Variants in LGALS8 observed in about 807,000 individuals in gnomAD.
LGALS8 encodes galectin 8.
In LGALS8, 30 loss-of-function variants were observed where a neutral mutation model predicts 35.9. The ratio of observed to expected loss-of-function variants is 0.83; its 90% CI spans 0.62 to 1.13. LGALS8 has a LOEUF of 1.13. Among genes scored for constraint, LGALS8 ranks in the 50% most tolerant of loss-of-function variants. LGALS8 has a pLI of 0.00. For synonymous variants in LGALS8, 138 were observed against 136.1 expected (o/e 1.01, Z -0.10); for missense variants, 366 against 388.7 (o/e 0.94, Z 0.49).
At chr1:236,524,423 G>A (rs1035706878) in intron 1 of LGALS8, 2 of 456,712 alleles carry the variant, frequency 4.4e-6, no homozygotes, top group Admixed American at 2.3e-5. Context: ...GCCTGAGGCC[G>A]AGCGCCACCT....
Position 236,526,411 on chromosome 1 carries a change from T to C in LGALS8, c.45+296T>C, listed in dbSNP as rs532261000. On this transcript the variant is annotated intron_variant, in intron 2 of 9. Coordinates refer to ENST00000366584, the MANE Select transcript of LGALS8 (RefSeq NM_201544.4). The surrounding 1 kb of genome is among the most constrained non-coding windows in gnomAD (Gnocchi z 4.6). ...GGGAGGAGGCTCAGCTAATCATAAA[T>C]TGTAGTTTTTAAAGGAAAATGGATT... is the stretch of plus-strand genomic sequence containing the variant. 3.6e-5 allele frequency: 9 copies of C among 247,940 alleles called. No individual in the cohort carries two copies. In the South Asian group the frequency reaches 1.3e-3, roughly 36 times the overall value. The allele number at this position is 247,940 out of a possible 1,614,324, so 15.4% of individuals were successfully genotyped here.
At chr1:236,534,699 G>A (rs1295301319) in intron 2 of LGALS8, among the ~76,000 whole-genome samples, 1 of 151,960 alleles carries the variant, frequency 6.6e-6, no homozygotes, top group Non-Finnish European at 1.5e-5. Context: ...AGTGGCCACC[G>A]TTCTTAGCAT....
chr1:236,540,811 T>G, intron 5 of LGALS8, 128 bp downstream of exon 5: 2 of 1,001,448 alleles, frequency 2.0e-6, no homozygotes, highest in Non-Finnish European at 2.9e-6. Flanking sequence ...GTATTAATTT[T>G]TTGGAAGTGA....
chr1:236,544,922 T>G lies in LGALS8; in HGVS notation c.804+7T>G, dbSNP rs1436234735. ...TCCTGGGATGTACTTTGAGGTGAGG[T>G]TACAGTTTTTGAAAATGGGACAGCA... On this transcript the variant is annotated splice_region_variant and intron_variant, in intron 9 of 9. Coordinates refer to ENST00000366584, the MANE Select transcript of LGALS8 (RefSeq NM_201544.4). 6.3e-7 allele frequency: 1 copy of G among 1,597,936 alleles called. No individual in the cohort carries two copies. Among genetic ancestry groups the G allele is most frequent in the South Asian group, 1.1e-5 (1 of 88,302 alleles).
chr1:236,531,265 A>T (rs1211266041), intron 2 of LGALS8, among the ~76,000 whole-genome samples: 1 of 152,070 alleles, frequency 6.6e-6, no homozygotes, highest in Non-Finnish European at 1.5e-5. Context: ...TAAATCTGTA[A>T]AAGTGGAATC....
chr1:236,529,761 G>C (rs1413580188), intron 2 of LGALS8, among the ~76,000 whole-genome samples: 1 of 148,362 alleles, frequency 6.7e-6, no homozygotes. Flanking sequence ...CAATTCTCCT[G>C]CCTCAGCCTC....
At position 236,549,087 on chromosome 1, in the gene LGALS8, G is replaced by A; in HGVS notation, c.*926G>A. On this transcript the variant is annotated 3_prime_UTR_variant, in exon 10 of 10. Transcript: ENST00000366584. The stretch of plus-strand genomic sequence containing the variant: ...TTCATAAGGCAGGCACTATCAGAAA[G>A]TGTACGCCAACTAAGGGACCCACAA... 1 of 398,296 alleles carries A rather than the reference G, an allele frequency of 2.5e-6. No homozygotes were observed. The highest frequency in any genetic ancestry group is 4.4e-6 in the Non-Finnish European group (1 of 225,902). The allele number at this position is 398,296 out of a possible 1,614,324, so 24.7% of individuals were successfully genotyped here. A position where few individuals can be genotyped will look rare whatever the true frequency, so the allele number is the denominator to read the frequency against.
intron 9 of LGALS8, among the ~76,000 whole-genome samples, chr1:236,547,108 G>A (rs763250941): frequency 1.3e-5 from 2 of 152,206 alleles, no homozygotes; most frequent in Non-Finnish European, 2.9e-5. Context: ...TAGCAGCAAG[G>A]CTGAGCTGCC....
Position 236,548,199 on chromosome 1 carries a change from A to T in LGALS8, c.*38A>T, listed in dbSNP as rs774672038. 1.9e-6 allele frequency: 3 copies of T among 1,582,798 alleles called. No individual in the cohort carries two copies. The South Asian group carries it at 3.4e-5, about 18-fold the overall frequency. ...GCTGCTACAAAAACCAAAATACAGA[A>T]TGGCTTCTGTGATACTGGCCTTGCT... On this transcript the variant is annotated 3_prime_UTR_variant, in exon 10 of 10. Transcript: ENST00000366584.
intron 2 of LGALS8, among the ~76,000 whole-genome samples, chr1:236,534,659 G>C (rs1438200683): frequency 3.3e-5 from 5 of 151,646 alleles, no homozygotes. Context: ...GAAGTAGAAG[G>C]CATGATGAAC....
intron 9 of LGALS8, among the ~76,000 whole-genome samples, chr1:236,545,382 T>TA (rs1662299060): frequency 6.6e-6 from 1 of 152,208 alleles, no homozygotes; most frequent in African/African-American, 2.4e-5. Flanking sequence ...CCCTTGGAAC[T>TA]AAAAGGCATG....
chr1:236,540,714 T>C, intron 5 of LGALS8, 31 bp downstream of exon 5: 1 of 1,574,338 alleles, frequency 6.4e-7, no homozygotes, highest in Non-Finnish European at 8.6e-7. Context: ...TGGGGTCTTT[T>C]ATGAGGATGG....
chr1:236,524,333 G>A (rs1660686547), intron 1 of LGALS8: 1 of 455,920 alleles, frequency 2.2e-6, no homozygotes, highest in East Asian at 6.9e-5. Flanking sequence ...TCCCTGGCTG[G>A]GGTCAGGCTG....
Position 236,551,208 on chromosome 1 carries a change from GA to G in LGALS8, c.*3049del, listed in dbSNP as rs1230753349. On this transcript the variant is annotated 3_prime_UTR_variant, in exon 10 of 10. Coordinates refer to ENST00000366584, the MANE Select transcript of LGALS8 (RefSeq NM_201544.4). ...TGCCCACAGGCTTGCACTGGAAGCT[GA>G]ATAAGAATCCCCAAAACTCAAACTT... The G allele has an allele frequency of 2.0e-6, 1 of 510,056 alleles. No individual in the cohort carries two copies. Among genetic ancestry groups the G allele is most frequent in the Non-Finnish European group, 3.4e-6 (1 of 290,706 alleles). 31.6% of individuals were successfully genotyped at this position (510,056 alleles called of 1,614,324 possible). A position where few individuals can be genotyped will look rare whatever the true frequency, so the allele number is the denominator to read the frequency against.
intron 3 of LGALS8, 125 bp downstream of exon 3, chr1:236,537,710 C>T (rs1181590868): frequency 1.4e-6 from 1 of 734,022 alleles, no homozygotes; most frequent in African/African-American, 1.7e-5. Flanking sequence ...TCATCAGCAG[C>T]CCTGGCCAAG....
At chr1:236,531,289 G>A (rs2103075435) in intron 2 of LGALS8, among the ~76,000 whole-genome samples, 1 of 152,070 alleles carries the variant, frequency 6.6e-6, no homozygotes, top group African/African-American at 2.4e-5. Context: ...AGGTCAGAGG[G>A]TATGATCCAT....
At chr1:236,544,473 GCGTTAAA>G (rs1662231082) in intron 8 of LGALS8, among the ~76,000 whole-genome samples, 1 of 152,146 alleles carries the variant, frequency 6.6e-6, no homozygotes, top group African/African-American at 2.4e-5. Context: ...ATTCAGTTTA[GCGTTAAA>G]CCTTCCATTT....
At chr1:236,523,783 G>T (rs559516017), upstream of LGALS8, 28 of 340,562 alleles carry the variant, frequency 8.2e-5, 1 homozygote, top group Admixed American at 4.4e-4. Context: ...GCGGTCCAAG[G>T]CTCCAGAGGC....
intron 2 of LGALS8, among the ~76,000 whole-genome samples, chr1:236,527,728 ATTAATT>A (rs1219597966): frequency 6.8e-6 from 1 of 147,336 alleles, no homozygotes. Flanking sequence ...TATTTATTCA[ATTAATT>A]TTTTTTTTTT....
Sources: allele counts gnomAD v4.1 joint callset (sites outside exome capture counted in the v4.1 genomes callset), GRCh38; gene constraint gnomAD v4.1.1; non-coding constraint Gnocchi (gnomAD v3.1); transcripts MANE v1.5; gene names NCBI Gene and HGNC (gene_info 2026-07-23, HGNC 2026-07-21).